Variants in SNORC observed in about 807,000 individuals in gnomAD.
The protein encoded by SNORC is secondary ossification center associated regulator of chondrocyte maturation, also known as protein SNORC.
SNORC carries 11 observed loss-of-function variants against 9.7 expected under a neutral mutation model. The observed-to-expected ratio is 1.14, with a 90% CI of 0.72 to 1.88. The LOEUF is 1.88. Ranked by LOEUF, SNORC falls within the 40% of genes most tolerant of loss-of-function variation. The pLI is 0.00. For missense variants in SNORC, 197 were observed against 173.1 expected (o/e 1.14, Z -0.77); for synonymous variants, 108 against 88.7 (o/e 1.22, Z -1.22).
At chr2:232,875,968 G>A in exon 2 of SNORC, 1 of 1,553,686 alleles carries the variant, frequency 6.4e-7, no homozygotes, top group Non-Finnish European at 8.7e-7. Flanking sequence ...CCGTGCCCAC[G>A]CTGTGGAACG....
intron 1 of SNORC, among the ~76,000 whole-genome samples, chr2:232,874,418 C>T (rs1259413402): frequency 6.6e-6 from 1 of 152,212 alleles, no homozygotes; most frequent in Non-Finnish European, 1.5e-5. Flanking sequence ...CCTGAGTCTC[C>T]GATCACAGGC....
upstream of SNORC, among the ~76,000 whole-genome samples, chr2:232,867,236 C>A (rs1420539809): frequency 2.6e-5 from 4 of 152,232 alleles, no homozygotes; most frequent in Non-Finnish European, 5.9e-5. Flanking sequence ...ATGACTAGTA[C>A]TACTGTGCAC....
At chr2:232,869,435 G>A (rs1690942249), upstream of SNORC, among the ~76,000 whole-genome samples, 1 of 152,200 alleles carries the variant, frequency 6.6e-6, no homozygotes, top group South Asian at 2.1e-4. Flanking sequence ...CTCAGACGTG[G>A]GAAGTGAGGG....
rs2106196600 is a variant in SNORC at position 232,876,236 on chromosome 2, GTCC to G, written c.257-7_257-5del. 3 of 1,501,078 alleles carry G rather than the reference GTCC, an allele frequency of 2.0e-6. No homozygotes were observed. The East Asian group carries it at 8.0e-5, about 40-fold the overall frequency. The allele number at this position is 1,501,078 out of a possible 1,614,324, so 93.0% of individuals were successfully genotyped here. ...GGGCTAGCAGGTGACATGGTCCTCCGTCCTCCGCAGGGTCGCTGGGGCCCGGCG... is the reference window on the plus strand; with the variant it reads ...GGGCTAGCAGGTGACATGGTCCTCCGTCCGCAGGGTCGCTGGGGCCCGGCG... On this transcript the variant is annotated splice_polypyrimidine_tract_variant and splice_region_variant and intron_variant, in intron 2 of 2. Coordinates refer to ENST00000331342, the Ensembl canonical transcript of SNORC. The surrounding 1 kb of genome is among the most constrained non-coding windows in gnomAD (Gnocchi z 6.8).
downstream of SNORC, chr2:232,876,575 G>T: frequency 1.7e-6 from 2 of 1,153,540 alleles, no homozygotes; most frequent in Non-Finnish European, 2.1e-6. This position sits in a 1 kb window ranked among gnomAD's most constrained non-coding sequence, Gnocchi z 6.8. Flanking sequence ...GCGCCGGGGC[G>T]TGCGTGAGCG....
chr2:232,876,564 G>A, downstream of SNORC: 1 of 1,168,384 alleles, frequency 8.6e-7, no homozygotes, highest in Non-Finnish European at 1.1e-6. The surrounding 1 kb of genome is among the most constrained non-coding windows in gnomAD (Gnocchi z 6.8). Flanking sequence ...TCCCCGCAGG[G>A]GCGCCGGGGC....
chr2:232,876,456 G>T, downstream of SNORC: 5 of 1,383,200 alleles, frequency 3.6e-6, no homozygotes, highest in Non-Finnish European at 4.6e-6. The surrounding 1 kb of genome is among the most constrained non-coding windows in gnomAD (Gnocchi z 6.8). Flanking sequence ...AGGTGTGCCA[G>T]AGCGTGAGCG....
Position 232,876,178 on chromosome 2 carries a change from C to T in SNORC, c.256+56C>T. ...GGGAGAAATTAGGAGGGGCGGGGGG[C>T]GGGGGGCGCGGGGAGAAGGGCCGGC... On this transcript the variant is annotated intron_variant, in intron 2 of 2. Transcript: ENST00000331342. The surrounding 1 kb of genome is among the most constrained non-coding windows in gnomAD (Gnocchi z 6.8). 10 of 138,000 alleles carry T rather than the reference C, an allele frequency of 7.2e-5. No homozygotes were observed. The highest frequency in any genetic ancestry group is 1.2e-4 in the African/African-American group (1 of 8,530). 8.5% of individuals were successfully genotyped at this position (138,000 alleles called of 1,614,324 possible). A position where few individuals can be genotyped will look rare whatever the true frequency, so the allele number is the denominator to read the frequency against.
At chr2:232,876,718 G>C (rs1691266197), downstream of SNORC, 2 of 987,240 alleles carry the variant, frequency 2.0e-6, no homozygotes, top group Non-Finnish European at 2.4e-6. The surrounding 1 kb of genome is among the most constrained non-coding windows in gnomAD (Gnocchi z 6.8). Flanking sequence ...GTGCGCGTGC[G>C]CCGGGGCCGC....
At chr2:232,869,432 G>A (rs868756648), upstream of SNORC, among the ~76,000 whole-genome samples, 3 of 152,192 alleles carry the variant, frequency 2.0e-5, no homozygotes, top group Non-Finnish European at 4.4e-5. Context: ...GGGCTCAGAC[G>A]TGGGAAGTGA....
downstream of SNORC, chr2:232,877,119 A>G: frequency 1.0e-6 from 1 of 985,830 alleles, no homozygotes. Flanking sequence ...CCCTCTGCCC[A>G]GGGAGCCTCA....
In SNORC at chr2:232,876,152, A is replaced by G. The variant is rs1574975085; in HGVS notation, c.256+30A>G. 2 of 346,606 alleles carry G rather than the reference A, an allele frequency of 5.8e-6. No homozygotes were observed. The highest frequency in any genetic ancestry group is 7.8e-6 in the Non-Finnish European group (2 of 257,432). 21.5% of individuals were successfully genotyped at this position (346,606 alleles called of 1,614,324 possible). A position where few individuals can be genotyped will look rare whatever the true frequency, so the allele number is the denominator to read the frequency against. On this transcript the variant is annotated intron_variant, in intron 2 of 2. Transcript: ENST00000331342. The surrounding 1 kb of genome is among the most constrained non-coding windows in gnomAD (Gnocchi z 6.8). ...GGGCGGGGCGGGGGAGGGAGGGGAG[A>G]GGGAGAAATTAGGAGGGGCGGGGGG...
chr2:232,867,212 C>T (rs1200781879), upstream of SNORC, among the ~76,000 whole-genome samples: 2 of 152,222 alleles, frequency 1.3e-5, no homozygotes, highest in African/African-American at 2.4e-5. Context: ...GTTGGGGAAT[C>T]ACCTGTCTGT....
exon 1 of SNORC, chr2:232,870,398 C>T: frequency 6.4e-7 from 1 of 1,570,954 alleles, no homozygotes; most frequent in Non-Finnish European, 8.6e-7. Flanking sequence ...GGGTTCTGGC[C>T]CCTGCGGTGC....
chr2:232,876,427 C>A, downstream of SNORC: 1 of 1,448,044 alleles, frequency 6.9e-7, no homozygotes. The surrounding 1 kb of genome is among the most constrained non-coding windows in gnomAD (Gnocchi z 6.8). Context: ...TATGTCCGCG[C>A]GTGCGTGTCC....
At chr2:232,867,951 G>T (rs1690908608), upstream of SNORC, among the ~76,000 whole-genome samples, 1 of 152,086 alleles carries the variant, frequency 6.6e-6, no homozygotes. Flanking sequence ...CATCTTGCAG[G>T]GTCCTTCCTT....
chr2:232,871,284 G>A (rs917179763), intron 1 of SNORC, among the ~76,000 whole-genome samples: 18 of 152,230 alleles, frequency 1.2e-4, no homozygotes, highest in Admixed American at 8.5e-4. Context: ...AGGCCCCCTC[G>A]GCCACACCCT....
intron 1 of SNORC, among the ~76,000 whole-genome samples, chr2:232,874,996 C>T (rs551577004): frequency 2.6e-5 from 4 of 152,364 alleles, no homozygotes; most frequent in African/African-American, 9.6e-5. Flanking sequence ...ATCCAGGGAA[C>T]CGGCTTGAGG....
downstream of SNORC, chr2:232,876,958 C>T (rs1237979320): frequency 1.0e-6 from 1 of 985,510 alleles, no homozygotes. The surrounding 1 kb of genome is among the most constrained non-coding windows in gnomAD (Gnocchi z 6.8). Context: ...GACAGAGACC[C>T]CGGGGCCCGC....
Sources: gnomAD v4.1 joint callset for allele counts (sites outside exome capture counted in the v4.1 genomes callset) on GRCh38, gnomAD v4.1.1 for gene constraint, Gnocchi (gnomAD v3.1) non-coding constraint, MANE v1.5 for transcripts, NCBI Gene and HGNC (gene_info 2026-07-23, HGNC 2026-07-21) for gene names.